The following TEX36 variants were observed in gnomAD, a reference collection of about 807,000 sequenced individuals.
TEX36 encodes testis-expressed protein 36.
Under a neutral mutation model 13.6 loss-of-function variants are expected in TEX36, and 12 were observed. The ratio of observed to expected loss-of-function variants is 0.88; its 90% CI spans 0.56 to 1.43. TEX36 has a LOEUF of 1.43. Among genes scored for constraint, TEX36 ranks in the 40% most tolerant of loss-of-function variants. The probability of loss-of-function intolerance (pLI) is 0.00; values close to 1 mark genes in which losing one functional copy is unlikely to be tolerated. For synonymous variants in TEX36, 93 were observed against 83.0 expected (o/e 1.12, Z -0.65); for missense variants, 224 against 228.3 (o/e 0.98, Z 0.12).
intron 3 of TEX36, among the ~76,000 whole-genome samples, chr10:125,640,419 G>A (rs1565181332): frequency 1.3e-5 from 2 of 152,158 alleles, no homozygotes; most frequent in Admixed American, 6.5e-5. Flanking sequence ...AGTCAAGCGC[G>A]TGAGTTACAA....
At chr10:125,635,877 C>T (rs1238007353) in intron 3 of TEX36, among the ~76,000 whole-genome samples, 2 of 151,774 alleles carry the variant, frequency 1.3e-5, no homozygotes, top group Non-Finnish European at 2.9e-5. Flanking sequence ...TAGGACACTT[C>T]ATTTTTTGTT....
intron 3 of TEX36, among the ~76,000 whole-genome samples, chr10:125,597,108 G>C: frequency 6.6e-6 from 1 of 152,198 alleles, no homozygotes; most frequent in East Asian, 1.9e-4. Context: ...TTAGGGGAGT[G>C]ACTGTTGACT....
chr10:125,635,667 A>C (rs1846614912), intron 3 of TEX36, among the ~76,000 whole-genome samples: 1 of 152,128 alleles, frequency 6.6e-6, no homozygotes, highest in South Asian at 2.1e-4. Context: ...ACCCAGCAAC[A>C]TCGCAGTGTC....
chr10:125,611,338 C>A (rs1004647850), intron 3 of TEX36, among the ~76,000 whole-genome samples: 2 of 152,196 alleles, frequency 1.3e-5, no homozygotes, highest in Non-Finnish European at 2.9e-5. Flanking sequence ...TATTCCCACC[C>A]GTTTCCTGCC....
intron 3 of TEX36, among the ~76,000 whole-genome samples, chr10:125,597,955 C>T (rs994339302): frequency 6.6e-6 from 1 of 152,110 alleles, no homozygotes; most frequent in East Asian, 1.9e-4. Flanking sequence ...TCTTATTTAG[C>T]GGGTTATTTA....
At chr10:125,591,180 GAA>G (rs1846017354) in intron 3 of TEX36, among the ~76,000 whole-genome samples, 1 of 152,134 alleles carries the variant, frequency 6.6e-6, no homozygotes, top group African/African-American at 2.4e-5. Flanking sequence ...ATTTGAGAAC[GAA>G]AAAGTGAGTT....
chr10:125,682,753 A>T (rs72631151), intron 1 of TEX36, among the ~76,000 whole-genome samples, 186 bp downstream of exon 1: 4,303 of 152,334 alleles, frequency 0.028, 138 homozygotes, highest in African/African-American at 0.073. Flanking sequence ...GCATTATTTC[A>T]TTCAATCTTT....
intron 3 of TEX36, among the ~76,000 whole-genome samples, chr10:125,594,275 G>T (rs190929143): frequency 6.6e-6 from 1 of 152,276 alleles, no homozygotes; most frequent in East Asian, 1.9e-4. Flanking sequence ...ATAAGCAAAG[G>T]TTAAAAGTAA....
At chr10:125,588,782 T>C (rs1845989053) in intron 3 of TEX36, among the ~76,000 whole-genome samples, 1 of 152,110 alleles carries the variant, frequency 6.6e-6, no homozygotes, top group Non-Finnish European at 1.5e-5. Context: ...GCCCAGCTAA[T>C]TTTTTGTATT....
At chr10:125,581,124 G>T (rs1164784717) in intron 3 of TEX36, among the ~76,000 whole-genome samples, 2 of 152,088 alleles carry the variant, frequency 1.3e-5, no homozygotes, top group African/African-American at 4.8e-5. Flanking sequence ...CCCATCTCAA[G>T]TCCCCACATG....
rs201711904 is a variant in TEX36 at position 125,661,950 on chromosome 10, T to C, written c.79A>G (p.Thr27Ala). 6.0e-4 allele frequency: 933 copies of C among 1,552,372 alleles called. 6 individuals are homozygous for C. Among genetic ancestry groups the C allele is most frequent in the Non-Finnish European group, 1.3e-4 (146 of 1,147,140 alleles). Reference protein sequence around the residue: ...WFPHIGLTQKTPESITSATSK... With the variant: ...WFPHIGLTQKAPESITSATSK... ...GTAGCACTGGTGATGGATTCTGGTG[T>C]CTTTTGCGTTAGCCCGATGTGAGGG... Residue 27 changes from threonine (T) to alanine (A), a missense_variant, in exon 2 of 4, where the codon ACA (threonine) becomes GCA (alanine). Thr to Ala is a moderately conservative substitution (Grantham distance 58). Coordinates refer to ENST00000368821, the MANE Select transcript of TEX36 (RefSeq NM_001128202.3).
chr10:125,655,108 T>C (rs1279616943), downstream of TEX36, among the ~76,000 whole-genome samples: 8 of 152,192 alleles, frequency 5.3e-5, no homozygotes, highest in Non-Finnish European at 5.9e-5. Context: ...TCTATTCTTA[T>C]AACACTGCAA....
chr10:125,576,750 C>G (rs1383894835), exon 4 of TEX36: 12 of 1,534,992 alleles, frequency 7.8e-6, no homozygotes, highest in Non-Finnish European at 1.0e-5. Flanking sequence ...CCAAAGAGCT[C>G]ACACTGCAAG....
At chr10:125,621,847 T>C (rs1230277818) in intron 3 of TEX36, among the ~76,000 whole-genome samples, 1 of 152,098 alleles carries the variant, frequency 6.6e-6, no homozygotes, top group Admixed American at 6.5e-5. Context: ...GCACCCATCA[T>C]GGAAAAAGAA....
downstream of TEX36, among the ~76,000 whole-genome samples, chr10:125,619,439 T>C (rs1846401033): frequency 6.6e-6 from 1 of 152,044 alleles, no homozygotes; most frequent in African/African-American, 2.4e-5. Flanking sequence ...CTCCTCATAG[T>C]AGAGGTCTCC....
At chr10:125,679,521 G>A (rs1589792959) in intron 1 of TEX36, among the ~76,000 whole-genome samples, 1 of 152,176 alleles carries the variant, frequency 6.6e-6, no homozygotes, top group Non-Finnish European at 1.5e-5. Context: ...TTCAGGGAGA[G>A]AAGGGTCGAG....
intron 3 of TEX36, among the ~76,000 whole-genome samples, chr10:125,599,435 C>T (rs558090154): frequency 1.5e-3 from 222 of 152,256 alleles, no homozygotes; most frequent in African/African-American, 4.9e-3. Flanking sequence ...TCTTTATTGA[C>T]GTTCATTCCT....
intron 3 of TEX36, among the ~76,000 whole-genome samples, chr10:125,633,129 A>AG (rs1846579081): frequency 6.6e-6 from 1 of 152,168 alleles, no homozygotes; most frequent in African/African-American, 2.4e-5. Flanking sequence ...GTCTCAAAAA[A>AG]AAAAAAATTA....
chr10:125,584,128 G>A (rs1845916275), intron 3 of TEX36, among the ~76,000 whole-genome samples: 1 of 152,234 alleles, frequency 6.6e-6, no homozygotes, highest in Non-Finnish European at 1.5e-5. Flanking sequence ...TCGAGAGAGA[G>A]GCATGCCTGC....
Sources: allele counts gnomAD v4.1 joint callset (sites outside exome capture counted in the v4.1 genomes callset), GRCh38; gene constraint gnomAD v4.1.1; transcripts MANE v1.5; gene names NCBI Gene and HGNC (gene_info 2026-07-23, HGNC 2026-07-21).